MAP4K3: variants seen among roughly 807,000 people sequenced by gnomAD.
The protein encoded by MAP4K3 is mitogen-activated protein kinase kinase kinase kinase 3.
A neutral mutation model predicts 143.5 loss-of-function variants in MAP4K3; 94 were observed. The ratio of observed to expected loss-of-function variants is 0.65; its 90% CI spans 0.55 to 0.78. MAP4K3 has a LOEUF of 0.78. MAP4K3 is among the 30% of genes least tolerant of loss of function. The pLI, the probability that MAP4K3 is intolerant of heterozygous loss-of-function variation, is 0.00. For missense variants in MAP4K3, 1,077 were observed against 1,068.1 expected (o/e 1.01, Z -0.12); for synonymous variants, 416 against 347.2 (o/e 1.20, Z -2.20).
chr2:39,254,353 A>G (rs1680264110), intron 32 of MAP4K3, 97 bp downstream of exon 32: 1 of 931,710 alleles, frequency 1.1e-6, no homozygotes, highest in Admixed American at 1.9e-5. Flanking sequence ...TAATAAAGTT[A>G]GCCAATCAAG....
intron 1 of MAP4K3, among the ~76,000 whole-genome samples, chr2:39,397,755 G>C (rs1344618559): frequency 6.6e-6 from 1 of 152,102 alleles, no homozygotes; most frequent in Non-Finnish European, 1.5e-5. Context: ...CAAATGAATA[G>C]ACAGACCAGT....
At chr2:39,289,953 G>C (rs963985497) in intron 19 of MAP4K3, among the ~76,000 whole-genome samples, 7 of 152,118 alleles carry the variant, frequency 4.6e-5, no homozygotes, top group African/African-American at 9.7e-5. Flanking sequence ...TGGACCTGGT[G>C]GTGGGTGCCT....
intron 2 of MAP4K3, among the ~76,000 whole-genome samples, chr2:39,370,297 T>C (rs1243380345): frequency 6.6e-6 from 1 of 152,216 alleles, no homozygotes; most frequent in East Asian, 1.9e-4. Context: ...AGAATAATTA[T>C]CATGAATGAT....
intron 8 of MAP4K3, among the ~76,000 whole-genome samples, chr2:39,326,581 T>G (rs1683496479): frequency 6.6e-6 from 1 of 152,046 alleles, no homozygotes; most frequent in African/African-American, 2.4e-5. Context: ...GTTAAGACTT[T>G]GGGGGACTGT....
intron 21 of MAP4K3, among the ~76,000 whole-genome samples, chr2:39,285,516 T>C (rs1681732810): frequency 6.6e-6 from 1 of 152,216 alleles, no homozygotes; most frequent in Non-Finnish European, 1.5e-5. Context: ...CACTGCTCAG[T>C]TGGACAGAAC....
intron 1 of MAP4K3, among the ~76,000 whole-genome samples, chr2:39,385,457 G>A (rs1666471702): frequency 6.6e-6 from 1 of 150,520 alleles, no homozygotes; most frequent in South Asian, 2.1e-4. Flanking sequence ...CTATTCATGT[G>A]CTTACCTGCC....
intron 1 of MAP4K3, among the ~76,000 whole-genome samples, chr2:39,386,568 T>G (rs1161304458): frequency 6.6e-6 from 1 of 152,242 alleles, no homozygotes; most frequent in Non-Finnish European, 1.5e-5. Context: ...TTTGAGATCA[T>G]TTTTGTGTAA....
intron 28 of MAP4K3, among the ~76,000 whole-genome samples, chr2:39,261,641 A>G (rs1018356811): frequency 1.3e-5 from 2 of 152,316 alleles, no homozygotes; most frequent in South Asian, 2.1e-4. Context: ...TATACATTCT[A>G]AAGAACATGA....
chr2:39,422,703 C>A (rs1667581050), intron 1 of MAP4K3, among the ~76,000 whole-genome samples: 1 of 152,170 alleles, frequency 6.6e-6, no homozygotes, highest in Non-Finnish European at 1.5e-5. Flanking sequence ...AACAACTGTA[C>A]ATTGACGTGC....
rs142870000 is a variant in MAP4K3, at chr2:39,272,303, G to C, written c.1953C>G (p.Leu651=). Residue 651 remains leucine (L), a synonymous_variant, in exon 26 of 34, where the codon CTC becomes CTG. Transcript: ENST00000263881. The part of the protein sequence containing the change: ...KLPVAIPAHK[L]PDRILPRKFS... ...CTTACCTTGGCAGTATTCTGTCAGGGAGTTTGTGTGCTGGAATAGCAACAG... is the reference window on the plus strand; with the variant it reads ...CTTACCTTGGCAGTATTCTGTCAGGCAGTTTGTGTGCTGGAATAGCAACAG... 1.4e-5 allele frequency: 23 copies of C among 1,612,834 alleles called. No individual in the cohort carries two copies. In the African/African-American group the frequency reaches 2.8e-4, roughly 20 times the overall value.
Position 39,278,253 on chromosome 2 carries a change from C to T in MAP4K3, c.1794+154G>A, listed in dbSNP as rs565724456. On this transcript the variant is annotated intron_variant, in intron 24 of 33. Coordinates refer to ENST00000263881, the MANE Select transcript of MAP4K3 (RefSeq NM_003618.4). ...CACCACTGCACTGCAGCCTGGGCAA[C>T]AAGAGTGAGACTTGGTCTCAAAAAA... Among the ~76,000 whole-genome samples, 8 of 151,668 alleles carry T rather than the reference C, an allele frequency of 5.3e-5. No individual in the cohort carries two copies. The East Asian group carries it at 5.9e-4, about 11-fold the overall frequency.
rs183695719 is a variant in MAP4K3 at position 39,258,332 on chromosome 2, T to C, written c.2470+16A>G. On this transcript the variant is annotated intron_variant, in intron 31 of 33. Transcript: ENST00000263881. Reference sequence around the variant, plus strand: ...AAGGAGTTCATAATGCAAAGAATTATAAAACTTTGACTTACCTATTGATTC... The same window carrying C: ...AAGGAGTTCATAATGCAAAGAATTACAAAACTTTGACTTACCTATTGATTC... 2 of 1,509,120 alleles carry C rather than the reference T, an allele frequency of 1.3e-6. No individual in the cohort carries two copies. Among genetic ancestry groups the C allele is most frequent in the Admixed American group, 1.9e-5 (1 of 52,628 alleles). 93.5% of individuals were successfully genotyped at this position (1,509,120 alleles called of 1,614,324 possible). A position where few individuals can be genotyped will look rare whatever the true frequency, so the allele number is the denominator to read the frequency against.
At chr2:39,303,011 T>C (rs1268489405) in intron 15 of MAP4K3, 1 of 166,950 alleles carries the variant, frequency 6.0e-6, no homozygotes. Context: ...AGGAAAAGCA[T>C]ATGACCAAAA....
chr2:39,260,110 G>A, intron 29 of MAP4K3, among the ~76,000 whole-genome samples: 1 of 152,100 alleles, frequency 6.6e-6, no homozygotes. Flanking sequence ...GGCAATGTTT[G>A]CTTGATTTAG....
At chr2:39,383,637 G>C (rs1339994855) in intron 1 of MAP4K3, among the ~76,000 whole-genome samples, 1 of 151,716 alleles carries the variant, frequency 6.6e-6, no homozygotes, top group Non-Finnish European at 1.5e-5. Context: ...AATTCTACCA[G>C]TACAATAAGA....
chr2:39,351,929 C>T (rs1254581351), intron 3 of MAP4K3, among the ~76,000 whole-genome samples: 2 of 152,196 alleles, frequency 1.3e-5, no homozygotes, highest in African/African-American at 4.8e-5. Flanking sequence ...CCTCAGCCTC[C>T]CAAATTGCTG....
intron 24 of MAP4K3, among the ~76,000 whole-genome samples, chr2:39,273,430 T>C (rs1186276883): frequency 1.3e-5 from 2 of 152,166 alleles, no homozygotes; most frequent in African/African-American, 4.8e-5. Flanking sequence ...TGTACATAAT[T>C]AGACATCCTG....
intron 31 of MAP4K3, among the ~76,000 whole-genome samples, chr2:39,255,201 G>A (rs1232819177): frequency 6.6e-6 from 1 of 151,988 alleles, no homozygotes; most frequent in Non-Finnish European, 1.5e-5. Flanking sequence ...TGAACATTGA[G>A]GTTATTTCTA....
intron 32 of MAP4K3, among the ~76,000 whole-genome samples, chr2:39,252,376 C>T (rs1409644791): frequency 1.3e-5 from 2 of 152,200 alleles, no homozygotes; most frequent in East Asian, 3.9e-4. Flanking sequence ...ATGGTTTTGC[C>T]TTATGCAAGA....
Sources: gnomAD v4.1 joint callset for allele counts (sites outside exome capture counted in the v4.1 genomes callset) on GRCh38, gnomAD v4.1.1 for gene constraint, MANE v1.5 for transcripts, NCBI Gene and HGNC (gene_info 2026-07-23, HGNC 2026-07-21) for gene names.